Variants in PHF21B observed in about 807,000 individuals in gnomAD.
PHF21B encodes the protein PHD finger protein 21B.
A neutral mutation model predicts 62.2 loss-of-function variants in PHF21B; 22 were observed. The ratio of observed to expected loss-of-function variants is 0.35; its 90% CI spans 0.25 to 0.51. The LOEUF (loss-of-function observed/expected upper bound fraction) is 0.51. Among genes scored for constraint, PHF21B ranks in the 20% least tolerant of loss-of-function variants. The probability of loss-of-function intolerance (pLI) is 0.97; values close to 1 mark genes in which losing one functional copy is unlikely to be tolerated. For missense variants in PHF21B, 701 were observed against 707.9 expected, an observed-to-expected ratio of 0.99 and a Z score of 0.11; for synonymous variants, 341 against 314.7, an observed-to-expected ratio of 1.08 and a Z score of -0.88.
chr22:44,974,000 T>G, intron 2 of PHF21B, among the ~76,000 whole-genome samples: 1 of 152,210 alleles, frequency 6.6e-6, no homozygotes. Flanking sequence ...TGAGACACCC[T>G]GGCCAGGCTG....
At chr22:44,997,343 A>G (rs1227314895) in intron 2 of PHF21B, among the ~76,000 whole-genome samples, 1 of 152,154 alleles carries the variant, frequency 6.6e-6, no homozygotes, top group Non-Finnish European at 1.5e-5. Context: ...CTCTGGCCTC[A>G]GTCCACGATG....
At position 44,883,234 on chromosome 22, in the gene PHF21B, C is replaced by G; in HGVS notation, c.1448G>C (p.Arg483Pro). ...RGTQSSLDRL[R>P]ALLRLIQGEQ... is the part of the protein sequence containing the mutation. ...GCCCTGTATCAGTCTCAGGAGGGCCCGCAGGCGGTCCAGGGATGACTGGGT... is the reference window on the plus strand; with the variant it reads ...GCCCTGTATCAGTCTCAGGAGGGCCGGCAGGCGGTCCAGGGATGACTGGGT... Residue 483 changes from arginine to proline, a missense_variant, in exon 13 of 13, where the codon CGG (arginine) becomes CCG (proline). Coordinates refer to ENST00000313237, the MANE Select transcript of PHF21B (RefSeq NM_138415.5). 6.2e-7 allele frequency: 1 copy of G among 1,613,944 alleles called. No individual in the cohort carries two copies. Among genetic ancestry groups the G allele is most frequent in the Non-Finnish European group, 8.5e-7 (1 of 1,179,970 alleles).
chr22:44,901,546 T>A (rs2071159148), intron 5 of PHF21B: 1 of 240,910 alleles, frequency 4.2e-6, no homozygotes, highest in Non-Finnish European at 8.0e-6. Flanking sequence ...TCACTTACTC[T>A]GAAACTTAAA....
chr22:45,008,842 G>A (rs1569291258), intron 1 of PHF21B: 1 of 1,177,140 alleles, frequency 8.5e-7, no homozygotes, highest in Non-Finnish European at 1.0e-6. Flanking sequence ...GGCGGGGGCC[G>A]AGGCCACCCG....
chr22:45,007,630 G>T (rs1034942104), intron 2 of PHF21B, among the ~76,000 whole-genome samples: 4 of 144,496 alleles, frequency 2.8e-5, no homozygotes, highest in South Asian at 2.2e-4. Flanking sequence ...CCACAGCGGT[G>T]CCCCCAGCAC....
intron 2 of PHF21B, among the ~76,000 whole-genome samples, chr22:44,921,678 A>G (rs2071540566): frequency 6.7e-6 from 1 of 148,586 alleles, no homozygotes; most frequent in South Asian, 2.1e-4. Flanking sequence ...TTTCTTTTTC[A>G]GATGGAGACT....
chr22:44,924,146 A>T (rs566305682), intron 2 of PHF21B, among the ~76,000 whole-genome samples: 6 of 152,244 alleles, frequency 3.9e-5, no homozygotes. Flanking sequence ...CAACAAAAAC[A>T]ACTACTGATG....
At chr22:44,989,988 C>A (rs886184750) in intron 2 of PHF21B, among the ~76,000 whole-genome samples, 1 of 152,338 alleles carries the variant, frequency 6.6e-6, no homozygotes, top group East Asian at 1.9e-4. Flanking sequence ...AGCACAGGCA[C>A]GCTCTTCATA....
intron 2 of PHF21B, among the ~76,000 whole-genome samples, chr22:45,004,583 A>G (rs2073280380): frequency 6.6e-6 from 1 of 152,220 alleles, no homozygotes; most frequent in Non-Finnish European, 1.5e-5. Context: ...ACTTTACATC[A>G]GAGAGATTAA....
chr22:44,926,305 C>T (rs550510255), intron 2 of PHF21B, among the ~76,000 whole-genome samples: 26 of 152,374 alleles, frequency 1.7e-4, no homozygotes, highest in African/African-American at 5.5e-4. Flanking sequence ...AGGCAGGTTC[C>T]CCGTAAGTGT....
chr22:44,919,913 G>A (rs923397740), intron 3 of PHF21B, among the ~76,000 whole-genome samples: 1 of 152,250 alleles, frequency 6.6e-6, no homozygotes, highest in South Asian at 2.1e-4. Flanking sequence ...GGGGCAAAGC[G>A]TGGAGTCCAG....
At chr22:44,903,705 C>A (rs1160654301) in intron 5 of PHF21B, among the ~76,000 whole-genome samples, 2 of 152,186 alleles carry the variant, frequency 1.3e-5, no homozygotes, top group African/African-American at 2.4e-5. Flanking sequence ...TACTTTTGCA[C>A]CAAATGCATA....
intron 2 of PHF21B, among the ~76,000 whole-genome samples, chr22:44,959,089 T>C (rs528142585): frequency 6.6e-6 from 1 of 152,308 alleles, no homozygotes; most frequent in Non-Finnish European, 1.5e-5. Flanking sequence ...CTTCTTCTGC[T>C]TCCTGCATGG....
chr22:44,920,055 C>T (rs896139810), intron 3 of PHF21B, among the ~76,000 whole-genome samples: 5 of 152,182 alleles, frequency 3.3e-5, no homozygotes, highest in African/African-American at 9.7e-5. Context: ...ATACACACGA[C>T]GGAGTCACCC....
In PHF21B at chr22:45,009,002, C is replaced by T. The variant is rs1169119949; in HGVS notation, c.55-392G>A. ...GAGCAAAGCTCATAAATATTCAAGTCGCGTCCTAATCTCCCCAACACACAC... is the reference window on the plus strand; with the variant it reads ...GAGCAAAGCTCATAAATATTCAAGTTGCGTCCTAATCTCCCCAACACACAC... On this transcript the variant is annotated intron_variant, in intron 1 of 12. Transcript: ENST00000313237. The surrounding 1 kb of genome is among the most constrained non-coding windows in gnomAD (Gnocchi z 5.9). 2.7e-6 allele frequency: 3 copies of T among 1,107,330 alleles called. No individual in the cohort carries two copies. Among genetic ancestry groups the T allele is most frequent in the Admixed American group, 5.1e-5 (1 of 19,670 alleles). The allele number at this position is 1,107,330 out of a possible 1,614,324, so 68.6% of individuals were successfully genotyped here. A position where few individuals can be genotyped will look rare whatever the true frequency, so the allele number is the denominator to read the frequency against.
At chr22:44,988,953 C>T (rs1215427394) in intron 2 of PHF21B, among the ~76,000 whole-genome samples, 2 of 152,152 alleles carry the variant, frequency 1.3e-5, no homozygotes, top group East Asian at 1.9e-4. Flanking sequence ...CGAAGGCAGA[C>T]AGACACCCTC....
At chr22:44,971,388 A>G (rs1278365858) in intron 2 of PHF21B, 1 of 152,136 alleles carries the variant, frequency 6.6e-6, no homozygotes, top group Non-Finnish European at 1.5e-5. Context: ...AGCCCTCCTC[A>G]GGGCCATTCG....
chr22:44,970,059 G>A (rs1283654142), intron 2 of PHF21B, among the ~76,000 whole-genome samples: 1 of 152,242 alleles, frequency 6.6e-6, no homozygotes, highest in African/African-American at 2.4e-5. Flanking sequence ...ACAGCTCCAC[G>A]CTAGCACTGG....
intron 2 of PHF21B, chr22:45,001,839 G>A (rs1333136716): frequency 2.6e-5 from 4 of 152,218 alleles, no homozygotes; most frequent in East Asian, 3.8e-4. Flanking sequence ...CATCATAGAC[G>A]CATCTGCAGA....
Sources: allele counts gnomAD v4.1 joint callset (sites outside exome capture counted in the v4.1 genomes callset), GRCh38; gene constraint gnomAD v4.1.1; non-coding constraint Gnocchi (gnomAD v3.1); transcripts MANE v1.5; gene names NCBI Gene and HGNC (gene_info 2026-07-23, HGNC 2026-07-21).